The following SMYD3 variants were observed in gnomAD, a reference collection of about 807,000 sequenced individuals.
SMYD3 encodes histone-lysine N-methyltransferase SMYD3.
A neutral mutation model predicts 57.7 loss-of-function variants in SMYD3; 36 were observed. The ratio of observed to expected loss-of-function variants is 0.62; its 90% CI spans 0.48 to 0.82. The LOEUF (loss-of-function observed/expected upper bound fraction) is 0.82. SMYD3 is among the 40% of genes least tolerant of loss of function. The probability of loss-of-function intolerance (pLI) is 0.00; values close to 1 mark genes in which losing one functional copy is unlikely to be tolerated. For synonymous variants in SMYD3, 211 were observed against 195.0 expected, an observed-to-expected ratio of 1.08 and a Z score of -0.68; for missense variants, 515 against 538.8, an observed-to-expected ratio of 0.96 and a Z score of 0.44.
intron 5 of SMYD3, among the ~76,000 whole-genome samples, chr1:246,251,486 G>GCGCCCGGC (rs1157846023): frequency 0.016 from 2,264 of 140,892 alleles, 344 homozygotes; most frequent in African/African-American, 0.051. Context: ...CTCGGACACT[G>GCGCCCGGC]TGCCCGGCTT....
intron 5 of SMYD3, among the ~76,000 whole-genome samples, chr1:246,174,116 A>AT (rs2062392682): frequency 1.3e-5 from 2 of 151,708 alleles, no homozygotes; most frequent in African/African-American, 2.4e-5. Context: ...GGCCAACTTT[A>AT]TTTTTTTTAA....
intron 5 of SMYD3, among the ~76,000 whole-genome samples, chr1:246,253,986 C>T (rs2063837861): frequency 6.6e-6 from 1 of 152,148 alleles, no homozygotes; most frequent in South Asian, 2.1e-4. Flanking sequence ...TCCCTTTTCT[C>T]TTTTTCTCTG....
intron 5 of SMYD3, among the ~76,000 whole-genome samples, chr1:246,165,563 G>T (rs1057142027): frequency 6.6e-6 from 1 of 152,124 alleles, no homozygotes; most frequent in African/African-American, 2.4e-5. Context: ...GAGGAGAGGT[G>T]AAGGGTTAAA....
At chr1:246,413,539 G>T (rs2067009810) in intron 1 of SMYD3, among the ~76,000 whole-genome samples, 1 of 152,124 alleles carries the variant, frequency 6.6e-6, no homozygotes, top group African/African-American at 2.4e-5. Context: ...GTAATCCCCA[G>T]GGTTGGAGGT....
At chr1:245,923,393 G>A (rs1249092795) in intron 7 of SMYD3, among the ~76,000 whole-genome samples, 2 of 152,012 alleles carry the variant, frequency 1.3e-5, no homozygotes, top group Admixed American at 1.3e-4. Flanking sequence ...ATATTTACTG[G>A]GCGCCTCCTA....
intron 5 of SMYD3, among the ~76,000 whole-genome samples, chr1:246,236,477 C>T (rs1446641851): frequency 1.3e-5 from 2 of 152,148 alleles, no homozygotes; most frequent in South Asian, 2.1e-4. Context: ...TGCAGTGGTG[C>T]GATCTCGGCT....
intron 1 of SMYD3, among the ~76,000 whole-genome samples, chr1:246,446,091 A>C (rs1374839075): frequency 1.3e-5 from 2 of 152,222 alleles, no homozygotes; most frequent in African/African-American, 4.8e-5. Context: ...AAGGTAAGTC[A>C]GAAGACCCTG....
rs114064246 is a variant in SMYD3 at position 246,320,271 on chromosome 1, T to C, written c.531+6930A>G. ...TTCCAATCTATGCAACCAGTACATA[T>C]TGCAAAACCAGCTACAGCTAATATA... On this transcript the variant is annotated intron_variant, in intron 5 of 11. Transcript: ENST00000490107. Among the ~76,000 whole-genome samples the C allele has an allele frequency of 9.2e-3, 1,402 of 152,270 alleles. 12 individuals carry two copies. The highest frequency in any genetic ancestry group is 0.016 in the Non-Finnish European group (1,103 of 68,028).
intron 5 of SMYD3, among the ~76,000 whole-genome samples, chr1:246,117,968 A>C (rs1572054435): frequency 6.6e-6 from 1 of 152,164 alleles, no homozygotes; most frequent in East Asian, 1.9e-4. Context: ...CATAGTACAA[A>C]CAGTATAGGT....
At chr1:245,822,212 C>G (rs893225522) in intron 10 of SMYD3, among the ~76,000 whole-genome samples, 4 of 152,056 alleles carry the variant, frequency 2.6e-5, no homozygotes, top group Admixed American at 6.6e-5. Context: ...GAATACTATG[C>G]AGCCATACAA....
chr1:246,334,241 C>T (rs2065505690), intron 3 of SMYD3, among the ~76,000 whole-genome samples: 1 of 152,048 alleles, frequency 6.6e-6, no homozygotes, highest in East Asian at 1.9e-4. Context: ...ATCACTCTAC[C>T]AAAAAGATAC....
At chr1:246,158,634 A>G (rs190463543) in intron 5 of SMYD3, among the ~76,000 whole-genome samples, 3 of 152,326 alleles carry the variant, frequency 2.0e-5, no homozygotes, top group African/African-American at 7.2e-5. Flanking sequence ...CTAGCACATA[A>G]TACGTGCTCA....
At chr1:246,138,427 T>G (rs111725783) in intron 5 of SMYD3, among the ~76,000 whole-genome samples, 6 of 151,300 alleles carry the variant, frequency 4.0e-5, no homozygotes, top group Non-Finnish European at 7.4e-5. Flanking sequence ...ATTTATTTAT[T>G]TATTTATTTT....
At chr1:246,090,033 C>G (rs1416085) in intron 5 of SMYD3, among the ~76,000 whole-genome samples, 81,508 of 151,802 alleles carry the variant, frequency 0.54, 23,069 homozygotes, top group Non-Finnish European at 0.62. Context: ...CCTCTGTCCT[C>G]TTGGTACCAA....
chr1:246,306,200 G>A (rs1033339128), intron 5 of SMYD3, among the ~76,000 whole-genome samples: 2 of 152,152 alleles, frequency 1.3e-5, no homozygotes, highest in South Asian at 2.1e-4. Flanking sequence ...TTAGCAGGGC[G>A]TGGTGGCGCC....
chr1:245,824,229 G>A (rs1314803223), intron 10 of SMYD3, among the ~76,000 whole-genome samples: 1 of 152,210 alleles, frequency 6.6e-6, no homozygotes, highest in Non-Finnish European at 1.5e-5. Context: ...ACAGTTGGAG[G>A]ATGACCAAAA....
At chr1:246,133,003 A>C (rs552034943) in intron 5 of SMYD3, among the ~76,000 whole-genome samples, 1 of 152,146 alleles carries the variant, frequency 6.6e-6, no homozygotes, top group Non-Finnish European at 1.5e-5. Flanking sequence ...GCAAGGATGC[A>C]GAGAAACTGA....
chr1:245,956,552 C>T (rs2057849268), intron 5 of SMYD3, among the ~76,000 whole-genome samples: 1 of 152,136 alleles, frequency 6.6e-6, no homozygotes, highest in Non-Finnish European at 1.5e-5. Flanking sequence ...CTTTTGAGTC[C>T]TACAAACCAC....
At chr1:246,031,313 G>C (rs774117563) in intron 5 of SMYD3, among the ~76,000 whole-genome samples, 19 of 152,142 alleles carry the variant, frequency 1.2e-4, no homozygotes, top group South Asian at 6.2e-4. Context: ...CCAACTTCTG[G>C]AATCTTATTT....
Sources: allele counts gnomAD v4.1 joint callset (sites outside exome capture counted in the v4.1 genomes callset), GRCh38; gene constraint gnomAD v4.1.1; transcripts MANE v1.5; gene names NCBI Gene and HGNC (gene_info 2026-07-23, HGNC 2026-07-21).